MARCHF1: variants seen among roughly 807,000 people sequenced by gnomAD.
MARCHF1 encodes the protein membrane associated ring-CH-type finger 1, also known as E3 ubiquitin-protein ligase MARCHF1.
Under a neutral mutation model 54.2 loss-of-function variants are expected in MARCHF1, and 40 were observed. That is an observed-to-expected ratio of 0.74 (90% CI 0.57 to 0.96). The LOEUF (loss-of-function observed/expected upper bound fraction) is 0.96, where lower values mean the gene tolerates loss of function less well. MARCHF1 is among the 40% of genes least tolerant of loss of function. The probability of loss-of-function intolerance (pLI) is 0.00; values close to 1 mark genes in which losing one functional copy is unlikely to be tolerated. For missense variants in MARCHF1, 586 were observed against 656.5 expected, an observed-to-expected ratio of 0.89 and a Z score of 1.17; for synonymous variants, 236 against 236.3, an observed-to-expected ratio of 1.00 and a Z score of 0.01.
At chr4:164,149,838 T>C (rs1489394123) in intron 1 of MARCHF1, among the ~76,000 whole-genome samples, 1 of 152,168 alleles carries the variant, frequency 6.6e-6, no homozygotes, top group Non-Finnish European at 1.5e-5. Context: ...ATTTCATAAA[T>C]TTATGTTGAA....
At chr4:163,798,720 A>C (rs991276728) in intron 4 of MARCHF1, among the ~76,000 whole-genome samples, 4 of 152,112 alleles carry the variant, frequency 2.6e-5, no homozygotes, top group African/African-American at 9.7e-5. Context: ...AATGGATGGA[A>C]TATTTAGTGA....
At chr4:163,771,366 T>C (rs1747156113) in intron 4 of MARCHF1, among the ~76,000 whole-genome samples, 1 of 152,220 alleles carries the variant, frequency 6.6e-6, no homozygotes, top group Non-Finnish European at 1.5e-5. Flanking sequence ...GGAGCTGTTT[T>C]AGTCCATTCA....
intron 3 of MARCHF1, among the ~76,000 whole-genome samples, chr4:163,903,844 G>A (rs555704314): frequency 6.6e-6 from 1 of 152,130 alleles, no homozygotes; most frequent in Non-Finnish European, 1.5e-5. Flanking sequence ...TCAAACTCCT[G>A]AGCTCAAGTG....
intron 1 of MARCHF1, among the ~76,000 whole-genome samples, chr4:164,203,325 T>G (rs978441355): frequency 1.3e-5 from 2 of 151,638 alleles, no homozygotes; most frequent in Non-Finnish European, 2.9e-5. Flanking sequence ...GAGAGAGAGA[T>G]AGAGAGAGGG....
chr4:164,169,354 T>C (rs546548311), intron 1 of MARCHF1, among the ~76,000 whole-genome samples: 7 of 152,170 alleles, frequency 4.6e-5, no homozygotes, highest in East Asian at 3.9e-4. Context: ...ATGATAAATA[T>C]GTAGGCATGT....
chr4:163,639,899 G>A (rs575468773), intron 5 of MARCHF1, among the ~76,000 whole-genome samples: 5 of 152,074 alleles, frequency 3.3e-5, no homozygotes, highest in South Asian at 4.1e-4. Context: ...AGGGGATGGA[G>A]GTAAGAAAAG....
intron 4 of MARCHF1, among the ~76,000 whole-genome samples, chr4:163,702,498 T>C (rs1014021173): frequency 6.6e-5 from 10 of 152,160 alleles, no homozygotes; most frequent in African/African-American, 2.4e-4. Context: ...GAGAACATGA[T>C]TAAGAACTAG....
chr4:163,567,003 C>T (rs1460132162), intron 8 of MARCHF1, among the ~76,000 whole-genome samples: 22 of 152,072 alleles, frequency 1.4e-4, no homozygotes, highest in Admixed American at 6.5e-4. Flanking sequence ...TCTTAGGGAC[C>T]ACATGAACCA....
chr4:163,997,679 G>A (rs1404211030), intron 2 of MARCHF1, among the ~76,000 whole-genome samples: 1 of 151,914 alleles, frequency 6.6e-6, no homozygotes, highest in East Asian at 1.9e-4. Flanking sequence ...ACCTTGTATA[G>A]TAATATATTT....
chr4:163,702,125 T>G (rs998674370), intron 4 of MARCHF1, among the ~76,000 whole-genome samples: 3 of 152,176 alleles, frequency 2.0e-5, no homozygotes, highest in African/African-American at 7.2e-5. Context: ...ACATGCAACA[T>G]CCATCTCATA....
intron 3 of MARCHF1, among the ~76,000 whole-genome samples, chr4:163,923,766 T>TA (rs201402327): frequency 0.18 from 26,002 of 141,184 alleles, 2,740 homozygotes; most frequent in South Asian, 0.38. Flanking sequence ...GATAGAATTG[T>TA]AAAAAAAAAA....
At chr4:163,983,146 T>G (rs1752795481) in intron 3 of MARCHF1, among the ~76,000 whole-genome samples, 1 of 152,116 alleles carries the variant, frequency 6.6e-6, no homozygotes, top group African/African-American at 2.4e-5. Context: ...AAATATGCAT[T>G]TGAAGACAAA....
intron 5 of MARCHF1, among the ~76,000 whole-genome samples, chr4:163,699,900 A>G (rs1745977195): frequency 6.6e-6 from 1 of 152,036 alleles, no homozygotes; most frequent in South Asian, 2.1e-4. Flanking sequence ...TGTCTCTCAA[A>G]CGATAATCTT....
At chr4:163,790,357 G>A (rs1005956462) in intron 4 of MARCHF1, among the ~76,000 whole-genome samples, 3 of 151,982 alleles carry the variant, frequency 2.0e-5, no homozygotes, top group South Asian at 2.1e-4. Context: ...ACTCAATTAC[G>A]TGGACAGAAA....
chr4:164,344,710 C>G (rs991407072), intron 1 of MARCHF1, among the ~76,000 whole-genome samples: 1 of 151,962 alleles, frequency 6.6e-6, no homozygotes, highest in Admixed American at 6.6e-5. Flanking sequence ...TACTTTTTGC[C>G]CTGTTATGCT....
intron 1 of MARCHF1, among the ~76,000 whole-genome samples, chr4:164,268,099 TG>T (rs1733654852): frequency 6.6e-6 from 1 of 152,086 alleles, no homozygotes; most frequent in African/African-American, 2.4e-5. Context: ...ACACACAAAA[TG>T]GGGGTAGCAG....
intron 1 of MARCHF1, chr4:164,189,087 T>G (rs1731055414): frequency 1.5e-6 from 1 of 687,072 alleles, no homozygotes. Flanking sequence ...CTCTCACCAT[T>G]GACAATGGTG....
At chr4:163,759,150 C>G (rs1465725566) in intron 4 of MARCHF1, among the ~76,000 whole-genome samples, 1 of 146,114 alleles carries the variant, frequency 6.8e-6, no homozygotes, top group Non-Finnish European at 1.5e-5. Flanking sequence ...ATGCTGGTTT[C>G]TTTTTCAGTG....
chr4:163,858,452 T>C (rs1749830210), intron 3 of MARCHF1, among the ~76,000 whole-genome samples: 1 of 152,256 alleles, frequency 6.6e-6, no homozygotes, highest in East Asian at 1.9e-4. Flanking sequence ...CTTTACCACA[T>C]GCATAGAACT....
Sources: gnomAD v4.1 joint callset for allele counts (sites outside exome capture counted in the v4.1 genomes callset) on GRCh38, gnomAD v4.1.1 for gene constraint, MANE v1.5 for transcripts, NCBI Gene and HGNC (gene_info 2026-07-23, HGNC 2026-07-21) for gene names.